The following CWC22 variants were observed in gnomAD, a reference collection of about 807,000 sequenced individuals.
CWC22 encodes the protein pre-mRNA-splicing factor CWC22 homolog.
CWC22 carries 53 observed loss-of-function variants against 117.2 expected under a neutral mutation model. The ratio of observed to expected loss-of-function variants is 0.45; its 90% CI spans 0.36 to 0.57. The LOEUF (loss-of-function observed/expected upper bound fraction) is 0.57, where lower values mean the gene tolerates loss of function less well. CWC22 is among the 20% of genes least tolerant of loss of function. The pLI, the probability that CWC22 is intolerant of heterozygous loss-of-function variation, is 0.00. For missense variants in CWC22, 980 were observed against 1,068.8 expected, an observed-to-expected ratio of 0.92 and a Z score of 1.16; for synonymous variants, 360 against 355.6, an observed-to-expected ratio of 1.01 and a Z score of -0.14.
intron 14 of CWC22, among the ~76,000 whole-genome samples, chr2:179,958,350 A>AG (rs1491453410): frequency 1.4e-5 from 2 of 142,650 alleles, no homozygotes; most frequent in Non-Finnish European, 1.5e-5. Flanking sequence ...AAAAAAAAAA[A>AG]GAATGAAGAA....
intron 1 of CWC22, among the ~76,000 whole-genome samples, chr2:179,995,133 CAAAA>C (rs1027279299): frequency 6.6e-6 from 1 of 151,986 alleles, no homozygotes; most frequent in African/African-American, 2.4e-5. Flanking sequence ...AACAAACAAA[CAAAA>C]AAAGATTACT....
At chr2:179,968,148 G>A (rs1018025827) in intron 11 of CWC22, among the ~76,000 whole-genome samples, 5 of 152,210 alleles carry the variant, frequency 3.3e-5, no homozygotes, top group South Asian at 2.1e-4. Flanking sequence ...ATAACTCAGC[G>A]AATTAGTATT....
chr2:179,997,604 G>C (rs1268569544), intron 1 of CWC22, among the ~76,000 whole-genome samples: 1 of 151,976 alleles, frequency 6.6e-6, no homozygotes. Context: ...CAAAGATATT[G>C]GTATTTTTTT....
At chr2:179,978,942 T>C (rs1259448675) in intron 5 of CWC22, among the ~76,000 whole-genome samples, 2 of 152,220 alleles carry the variant, frequency 1.3e-5, no homozygotes, top group Non-Finnish European at 2.9e-5. Flanking sequence ...GAATGTTAGA[T>C]AGCTGTACTG....
Position 179,945,307 on chromosome 2 carries a change from T to A in CWC22, c.2549A>T (p.Asp850Val). ...IKDSENFRRK[D>V]RSKSKEMNRK... ...ATTCATTTCCTTTGACTTTGATCTATCTTTTCTTCTGAAATTTTCACTGTC... is the reference window on the plus strand; with the variant it reads ...ATTCATTTCCTTTGACTTTGATCTAACTTTTCTTCTGAAATTTTCACTGTC... The change falls in exon 20 of 20, where the codon GAT becomes GTT. Residue 850 changes from aspartate (D) to valine (V), a missense_variant. Coordinates refer to ENST00000410053, the MANE Select transcript of CWC22 (RefSeq NM_020943.3). 6.2e-7 allele frequency: 1 copy of A among 1,613,556 alleles called. No homozygotes were observed. The highest frequency in any genetic ancestry group is 8.5e-7 in the Non-Finnish European group (1 of 1,179,778).
At chr2:179,998,095 T>TA (rs1026115561) in intron 1 of CWC22, among the ~76,000 whole-genome samples, 1 of 152,130 alleles carries the variant, frequency 6.6e-6, no homozygotes, top group Non-Finnish European at 1.5e-5. Context: ...ATTCCCAAGG[T>TA]AACTCCAAAA....
At chr2:179,999,479 CA>C (rs1356036509) in intron 1 of CWC22, among the ~76,000 whole-genome samples, 1 of 152,038 alleles carries the variant, frequency 6.6e-6, no homozygotes, top group Non-Finnish European at 1.5e-5. Context: ...CATTAGAAAG[CA>C]AAATATTTAA....
intron 11 of CWC22, among the ~76,000 whole-genome samples, chr2:179,969,803 G>A (rs1260515822): frequency 1.3e-5 from 2 of 152,156 alleles, no homozygotes. Flanking sequence ...AGGCCTGAGT[G>A]TTAGCTTTAG....
At chr2:179,993,060 C>A (rs1559297232) in intron 2 of CWC22, among the ~76,000 whole-genome samples, 1 of 152,202 alleles carries the variant, frequency 6.6e-6, no homozygotes, top group South Asian at 2.1e-4. Flanking sequence ...TTCTCAACTG[C>A]CCTCTTGCAC....
Position 179,952,593 on chromosome 2 carries a change from A to T in CWC22, c.1695T>A (p.Leu565=), listed in dbSNP as rs1278178056. 7.0e-7 allele frequency: 1 copy of T among 1,420,036 alleles called. No homozygotes were observed. Among genetic ancestry groups the T allele is most frequent in the Non-Finnish European group, 9.4e-7 (1 of 1,063,636 alleles). The allele number at this position is 1,420,036 out of a possible 1,614,324, so 88.0% of individuals were successfully genotyped here. ...LYTDSLPWSV[L]ECIKLSEETT... ...TTTCTTCACTCAGTTTTATACATTCAAGAACCTGAAAATTAAAATAAAAAA... is the reference window on the plus strand; with the variant it reads ...TTTCTTCACTCAGTTTTATACATTCTAGAACCTGAAAATTAAAATAAAAAA... The change falls in exon 17 of 20, where the codon CTT becomes CTA. Residue 565 remains leucine (L), a synonymous_variant. Transcript: ENST00000410053.
intron 1 of CWC22, among the ~76,000 whole-genome samples, chr2:180,004,418 G>A (rs262279): frequency 0.18 from 26,782 of 151,738 alleles, 2,426 homozygotes; most frequent in East Asian, 0.26. Context: ...TTGAGACAGA[G>A]GCTCACTTTA....
At position 179,945,042 on chromosome 2, in the gene CWC22, A is replaced by G; in HGVS notation, c.*87T>C. ...ACAAATACAAACCAATACTTTATAC[A>G]AGAATTCTCTATAAAGTTCGTCAAA... On this transcript the variant is annotated 3_prime_UTR_variant, in exon 20 of 20. Coordinates refer to ENST00000410053, the MANE Select transcript of CWC22 (RefSeq NM_020943.3). 2.3e-6 allele frequency: 2 copies of G among 884,684 alleles called. No individual in the cohort carries two copies. Among genetic ancestry groups the G allele is most frequent in the South Asian group, 3.9e-5 (2 of 51,650 alleles). The allele number at this position is 884,684 out of a possible 1,614,324, so 54.8% of individuals were successfully genotyped here.
chr2:179,970,026 T>C (rs1443874118), intron 11 of CWC22, among the ~76,000 whole-genome samples: 4 of 152,144 alleles, frequency 2.6e-5, no homozygotes, highest in African/African-American at 9.7e-5. Flanking sequence ...AATATACCAA[T>C]GATGTACAAA....
At chr2:179,983,749 G>C (rs1687345036) in intron 4 of CWC22, among the ~76,000 whole-genome samples, 1 of 152,082 alleles carries the variant, frequency 6.6e-6, no homozygotes, top group Non-Finnish European at 1.5e-5. Flanking sequence ...GGGAAAGAGT[G>C]ATTTCAAATA....
At chr2:179,965,826 G>T (rs954922089) in intron 12 of CWC22, 52 bp downstream of exon 12, 4 of 1,267,054 alleles carry the variant, frequency 3.2e-6, no homozygotes, top group Middle Eastern at 1.9e-4. Flanking sequence ...GATTACATTA[G>T]AATTAATTTT....
At chr2:179,971,213 C>T in intron 8 of CWC22, 137 bp from the exon 9 acceptor site, 1 of 548,164 alleles carries the variant, frequency 1.8e-6, no homozygotes, top group Non-Finnish European at 3.0e-6. Flanking sequence ...TTATAAAGCA[C>T]ATGGAAATAC....
intron 4 of CWC22, 141 bp from the exon 5 acceptor site, chr2:179,982,138 T>G: frequency 1.6e-6 from 1 of 613,208 alleles, no homozygotes; most frequent in South Asian, 2.0e-5. Context: ...TGACAAAGTG[T>G]TTCACAGAGA....
At chr2:179,985,837 T>C (rs1196972145) in intron 4 of CWC22, among the ~76,000 whole-genome samples, 1 of 151,544 alleles carries the variant, frequency 6.6e-6, no homozygotes, top group Non-Finnish European at 1.5e-5. Flanking sequence ...TATATATGGT[T>C]CAGGTATTAT....
chr2:179,988,715 C>T, intron 2 of CWC22, 71 bp from the exon 3 acceptor site: 2 of 764,068 alleles, frequency 2.6e-6, no homozygotes, highest in Non-Finnish European at 4.1e-6. Context: ...AAATACATGG[C>T]TTAGAAAGTT....
Sources: gnomAD v4.1 joint callset for allele counts (sites outside exome capture counted in the v4.1 genomes callset) on GRCh38, gnomAD v4.1.1 for gene constraint, MANE v1.5 for transcripts, NCBI Gene and HGNC (gene_info 2026-07-23, HGNC 2026-07-21) for gene names.